SHROOM3: variants seen among roughly 807,000 people sequenced by gnomAD.
SHROOM3 encodes the protein protein Shroom3.
In SHROOM3, 47 loss-of-function variants were observed where a neutral mutation model predicts 138.6. The observed-to-expected ratio is 0.34, with a 90% CI of 0.27 to 0.43. SHROOM3 has a LOEUF of 0.43. Ranked by LOEUF, SHROOM3 falls within the 20% of genes least tolerant of loss-of-function variation. The pLI is 1.00. For missense variants in SHROOM3, 2,491 were observed against 2,596.5 expected, an observed-to-expected ratio of 0.96 and a Z score of 0.88; for synonymous variants, 1,062 against 1,063.3, an observed-to-expected ratio of 1.00 and a Z score of 0.02.
chr4:76,660,243 G>T (rs1736154864), intron 2 of SHROOM3, among the ~76,000 whole-genome samples: 1 of 152,172 alleles, frequency 6.6e-6, no homozygotes, highest in Admixed American at 6.5e-5. Flanking sequence ...GGAGCCCTTT[G>T]CAGGACTATC....
Position 76,585,887 on chromosome 4 carries a change from G to A in SHROOM3, c.323+30124G>A, listed in dbSNP as rs1034601589. Among the ~76,000 whole-genome samples, 6 of 152,144 alleles carry A rather than the reference G, an allele frequency of 3.9e-5. No individual in the cohort carries two copies. The East Asian group carries it at 1.2e-3, about 29-fold the overall frequency. The stretch of plus-strand genomic sequence containing the variant: ...AACTTAATTAGCTACAAAGAAGCCC[G>A]ACTCGCCAGGGCTGGGAGGAAGGGC... On this transcript the variant is annotated intron_variant, in intron 2 of 10. Transcript: ENST00000296043.
At chr4:76,545,652 A>C (rs1467292956) in intron 1 of SHROOM3, among the ~76,000 whole-genome samples, 2 of 152,166 alleles carry the variant, frequency 1.3e-5, no homozygotes, top group African/African-American at 4.8e-5. Context: ...AAAGTATTAA[A>C]CCTTTAAAAT....
chr4:76,773,028 C>T (rs1207504789), intron 10 of SHROOM3, among the ~76,000 whole-genome samples: 1 of 152,228 alleles, frequency 6.6e-6, no homozygotes, highest in South Asian at 2.1e-4. Flanking sequence ...AATTGATTTG[C>T]ATGTGGTTTG....
At chr4:76,765,597 G>A (rs1014067128) in intron 9 of SHROOM3, among the ~76,000 whole-genome samples, 18 of 152,230 alleles carry the variant, frequency 1.2e-4, no homozygotes, top group Admixed American at 1.3e-4. Flanking sequence ...CTCTTAAGAC[G>A]GAGACACACA....
At chr4:76,461,071 T>C (rs1402784894) in intron 1 of SHROOM3, among the ~76,000 whole-genome samples, 1 of 151,478 alleles carries the variant, frequency 6.6e-6, no homozygotes, top group Non-Finnish European at 1.5e-5. Flanking sequence ...CACATCATAA[T>C]GGCTTTATTT....
chr4:76,781,145 A>G lies in SHROOM3; in HGVS notation c.*1968A>G, dbSNP rs1448062272. The stretch of plus-strand genomic sequence containing the variant: ...TCAAAAATTTTTATTTATTTTCTTG[A>G]GAAAGGGTCTTACTATGTTGCCCAG... On this transcript the variant is annotated 3_prime_UTR_variant, in exon 11 of 11. Coordinates refer to ENST00000296043, the MANE Select transcript of SHROOM3 (RefSeq NM_020859.4). The G allele has an allele frequency of 6.6e-6, 1 of 152,124 alleles. No homozygotes were observed. Among genetic ancestry groups the G allele is most frequent in the Non-Finnish European group, 1.5e-5 (1 of 68,026 alleles). 9.4% of individuals were successfully genotyped at this position (152,124 alleles called of 1,614,324 possible).
At chr4:76,492,452 T>C (rs764588011) in intron 1 of SHROOM3, among the ~76,000 whole-genome samples, 2 of 152,264 alleles carry the variant, frequency 1.3e-5, no homozygotes, top group Non-Finnish European at 2.9e-5. Flanking sequence ...CAACTTTCTT[T>C]GTCATGTTCT....
At chr4:76,677,975 TC>T (rs1216837805) in intron 2 of SHROOM3, among the ~76,000 whole-genome samples, 1 of 152,200 alleles carries the variant, frequency 6.6e-6, no homozygotes. Flanking sequence ...ATGAAAGAGA[TC>T]CTAGAAAATT....
At chr4:76,529,525 C>T (rs1264558173) in intron 1 of SHROOM3, among the ~76,000 whole-genome samples, 1 of 152,116 alleles carries the variant, frequency 6.6e-6, no homozygotes, top group Non-Finnish European at 1.5e-5. Context: ...CGGGGTTTCA[C>T]CATGTTAGCC....
At chr4:76,683,027 C>A (rs1255201757) in intron 2 of SHROOM3, among the ~76,000 whole-genome samples, 2 of 152,164 alleles carry the variant, frequency 1.3e-5, no homozygotes, top group East Asian at 3.8e-4. Context: ...AATTTCACAG[C>A]TTTCCATTAA....
At chr4:76,688,477 A>C in intron 2 of SHROOM3, 1 of 985,342 alleles carries the variant, frequency 1.0e-6, no homozygotes, top group Non-Finnish European at 1.2e-6. Context: ...TAGAACCTGG[A>C]CATTTAACAA....
intron 2 of SHROOM3, among the ~76,000 whole-genome samples, chr4:76,700,977 GT>G (rs1285072412): frequency 6.6e-6 from 1 of 152,012 alleles, no homozygotes. Flanking sequence ...TAGAGATAGT[GT>G]TTCACCATGT....
chr4:76,454,925 A>T (rs1730997454), intron 1 of SHROOM3, among the ~76,000 whole-genome samples: 1 of 151,894 alleles, frequency 6.6e-6, no homozygotes, highest in Non-Finnish European at 1.5e-5. Context: ...TGTATATGGA[A>T]TTTTTTTTAT....
intron 2 of SHROOM3, among the ~76,000 whole-genome samples, chr4:76,628,567 A>G (rs1735214176): frequency 6.6e-6 from 1 of 152,200 alleles, no homozygotes; most frequent in African/African-American, 2.4e-5. Flanking sequence ...TTCACTCAAC[A>G]AATACTTATT....
intron 2 of SHROOM3, among the ~76,000 whole-genome samples, chr4:76,576,739 A>G (rs371353571): frequency 3.9e-5 from 6 of 152,296 alleles, no homozygotes; most frequent in Middle Eastern, 3.4e-3. Flanking sequence ...GCATGCCTGT[A>G]TCAAAACATC....
Position 76,755,037 on chromosome 4 carries a change from G to A in SHROOM3, c.4554G>A (p.Thr1518=), listed in dbSNP as rs141992821. 5.7e-5 allele frequency: 92 copies of A among 1,603,910 alleles called. No individual in the cohort carries two copies. The East Asian group carries it at 1.1e-3, about 19-fold the overall frequency. ...TGAGGGATCCGCACCCCAAGGCCACGTCCAGCCCCACATTTGAACCTCTTC... is the reference window on the plus strand; with the variant it reads ...TGAGGGATCCGCACCCCAAGGCCACATCCAGCCCCACATTTGAACCTCTTC... ...VFVRDPHPKA[T]SSPTFEPLPP... The change falls in exon 7 of 11, where the codon ACG becomes ACA. Residue 1518 remains threonine (T), a synonymous_variant. Transcript: ENST00000296043.
chr4:76,497,421 G>A (rs1220659527), intron 1 of SHROOM3, among the ~76,000 whole-genome samples: 1 of 152,170 alleles, frequency 6.6e-6, no homozygotes, highest in African/African-American at 2.4e-5. Flanking sequence ...ATAAAGATCA[G>A]AGTGGAAATC....
At chr4:76,606,361 T>C (rs970444009) in intron 2 of SHROOM3, among the ~76,000 whole-genome samples, 1 of 151,938 alleles carries the variant, frequency 6.6e-6, no homozygotes, top group African/African-American at 2.4e-5. Flanking sequence ...TACCGACTGC[T>C]GCTTACCAGT....
intron 4 of SHROOM3, among the ~76,000 whole-genome samples, chr4:76,733,564 C>T (rs1420040367): frequency 6.6e-6 from 1 of 152,074 alleles, no homozygotes; most frequent in Non-Finnish European, 1.5e-5. Context: ...GCAGCTTTGG[C>T]AGAGGGCTTG....
Sources: allele counts gnomAD v4.1 joint callset (sites outside exome capture counted in the v4.1 genomes callset), GRCh38; gene constraint gnomAD v4.1.1; transcripts MANE v1.5; gene names NCBI Gene and HGNC (gene_info 2026-07-23, HGNC 2026-07-21).